TXNDC16: variants seen among roughly 807,000 people sequenced by gnomAD.
The protein encoded by TXNDC16 is thioredoxin domain containing 16.
A neutral mutation model predicts 85.6 loss-of-function variants in TXNDC16; 74 were observed. The ratio of observed to expected loss-of-function variants is 0.86; its 90% CI spans 0.72 to 1.05. The LOEUF is 1.05. Ranked by LOEUF, TXNDC16 falls within the 50% of genes least tolerant of loss-of-function variation. The probability of loss-of-function intolerance (pLI) is 0.00; values close to 1 mark genes in which losing one functional copy is unlikely to be tolerated. For missense variants in TXNDC16, 959 were observed against 947.0 expected, an observed-to-expected ratio of 1.01 and a Z score of -0.17; for synonymous variants, 335 against 326.5, an observed-to-expected ratio of 1.03 and a Z score of -0.28.
Position 52,536,796 on chromosome 14 carries a change from A to G in TXNDC16, c.318-3T>C. 3 of 1,602,350 alleles carry G rather than the reference A, an allele frequency of 1.9e-6. No homozygotes were observed. Among genetic ancestry groups the G allele is most frequent in the Non-Finnish European group, 2.6e-6 (3 of 1,174,336 alleles). ...ATTCTCTGAGCAATATGTTGCCCCT[A>G]TAAAAAGTTTAAAAACATATTAATA... On this transcript the variant is annotated splice_region_variant and splice_polypyrimidine_tract_variant and intron_variant, in intron 5 of 20. Coordinates refer to ENST00000281741, the MANE Select transcript of TXNDC16 (RefSeq NM_020784.3).
At chr14:52,434,168 G>A (rs768823612) in intron 20 of TXNDC16, among the ~76,000 whole-genome samples, 2 of 152,224 alleles carry the variant, frequency 1.3e-5, no homozygotes, top group Non-Finnish European at 2.9e-5. Flanking sequence ...AAACCTGGAT[G>A]AGAGAGTGTG....
At chr14:52,481,037 A>C (rs1181983826) in intron 14 of TXNDC16, among the ~76,000 whole-genome samples, 2 of 149,374 alleles carry the variant, frequency 1.3e-5, no homozygotes, top group Non-Finnish European at 3.0e-5. Flanking sequence ...GGAATGAATT[A>C]ATGGCATTTG....
chr14:52,518,096 A>G (rs1473474797), intron 7 of TXNDC16, among the ~76,000 whole-genome samples: 1 of 152,186 alleles, frequency 6.6e-6, no homozygotes. Flanking sequence ...TACCTTGCTT[A>G]CTGGGCACTT....
chr14:52,467,656 A>G (rs1188992790), intron 16 of TXNDC16, among the ~76,000 whole-genome samples: 3 of 152,218 alleles, frequency 2.0e-5, no homozygotes, highest in Admixed American at 6.5e-5. Context: ...GTAGGAATGT[A>G]AAATGATGCA....
chr14:52,453,700 T>C (rs1313741814), intron 18 of TXNDC16, among the ~76,000 whole-genome samples: 2 of 152,120 alleles, frequency 1.3e-5, no homozygotes, highest in Non-Finnish European at 2.9e-5. Context: ...AAGAGGACTA[T>C]TGAAAAAACT....
intron 16 of TXNDC16, among the ~76,000 whole-genome samples, chr14:52,464,611 A>G (rs1445429645): frequency 6.6e-6 from 1 of 151,836 alleles, no homozygotes. Context: ...ATTTTTCATA[A>G]AAATTTTTTT....
At chr14:52,500,734 T>A (rs1433962269) in intron 9 of TXNDC16, among the ~76,000 whole-genome samples, 3 of 152,156 alleles carry the variant, frequency 2.0e-5, no homozygotes, top group African/African-American at 7.2e-5. Flanking sequence ...AACAGCATCT[T>A]TCTAATTTCC....
intron 9 of TXNDC16, among the ~76,000 whole-genome samples, chr14:52,501,196 TC>T (rs2036650665): frequency 6.6e-6 from 1 of 152,040 alleles, no homozygotes; most frequent in Non-Finnish European, 1.5e-5. Flanking sequence ...ACACCTCCCA[TC>T]GTGAGTATAA....
In TXNDC16 at chr14:52,495,404, A is replaced by G. The variant is rs112937719; in HGVS notation, c.757-4399T>C. Among the ~76,000 whole-genome samples, 181 of 152,308 alleles carry G rather than the reference A, an allele frequency of 1.2e-3. 1 individual carries two copies. The highest frequency in any genetic ancestry group is 4.2e-3 in the African/African-American group (175 of 41,568). On this transcript the variant is annotated intron_variant, in intron 9 of 20. Transcript: ENST00000281741. ...AAAGAGAGCAAGGCAGAGGCACATG[A>G]CATTTTGTGAAACATAGCCATTAAT... is the stretch of plus-strand genomic sequence containing the variant.
At chr14:52,520,593 G>C (rs1396938859) in intron 6 of TXNDC16, among the ~76,000 whole-genome samples, 1 of 152,138 alleles carries the variant, frequency 6.6e-6, no homozygotes, top group African/African-American at 2.4e-5. Flanking sequence ...CTGGGCGACA[G>C]AGCGAGATTC....
At chr14:52,515,157 T>C (rs776005932) in intron 7 of TXNDC16, among the ~76,000 whole-genome samples, 187 bp from the exon 8 acceptor site, 3 of 152,182 alleles carry the variant, frequency 2.0e-5, no homozygotes, top group Non-Finnish European at 4.4e-5. Flanking sequence ...TCTATTCTAT[T>C]CAAGGTAAGA....
intron 6 of TXNDC16, among the ~76,000 whole-genome samples, chr14:52,531,835 A>T (rs373354953): frequency 1.3e-5 from 2 of 152,202 alleles, no homozygotes; most frequent in Non-Finnish European, 1.5e-5. Flanking sequence ...TGGTTCATCA[A>T]TTGTAACAAC....
intron 9 of TXNDC16, among the ~76,000 whole-genome samples, chr14:52,501,737 C>A (rs1341362569): frequency 6.6e-6 from 1 of 152,154 alleles, no homozygotes; most frequent in South Asian, 2.1e-4. Context: ...AAGGGTATAA[C>A]CCGTTAGAAC....
At chr14:52,461,447 G>C (rs936624450) in intron 16 of TXNDC16, among the ~76,000 whole-genome samples, 2 of 151,892 alleles carry the variant, frequency 1.3e-5, no homozygotes, top group African/African-American at 4.8e-5. Context: ...ACTTATTTAG[G>C]AATGACTCAG....
intron 9 of TXNDC16, among the ~76,000 whole-genome samples, chr14:52,504,390 G>T (rs969113571): frequency 1.3e-5 from 2 of 152,202 alleles, no homozygotes; most frequent in Non-Finnish European, 2.9e-5. Context: ...AACTCTACAA[G>T]CCAGAAGAGA....
chr14:52,494,894 A>G (rs1056708176), intron 9 of TXNDC16, among the ~76,000 whole-genome samples: 4 of 152,234 alleles, frequency 2.6e-5, no homozygotes, highest in Admixed American at 2.0e-4. Flanking sequence ...AAAAAGAACC[A>G]GTGGTGGTGA....
At chr14:52,477,816 G>A (rs796683173) in intron 14 of TXNDC16, among the ~76,000 whole-genome samples, 1 of 151,986 alleles carries the variant, frequency 6.6e-6, no homozygotes, top group Non-Finnish European at 1.5e-5. Flanking sequence ...CTATACCCTG[G>A]TACAAATGGA....
chr14:52,543,549 G>T lies in TXNDC16; in HGVS notation c.9C>A (p.Ser3=), dbSNP rs146639994. 2 of 1,612,728 alleles carry T rather than the reference G, an allele frequency of 1.2e-6. No homozygotes were observed. The highest frequency in any genetic ancestry group is 2.7e-5 in the African/African-American group (2 of 74,864). The change falls in exon 3 of 21, where the codon TCC becomes TCA. Residue 3 remains serine, a synonymous_variant. Transcript: ENST00000281741. ...TCCCAACTCTAAAGACATTGAAGCC[G>T]GAAAACATTATCAGCTGCAGTTGTA... MF[S]GFNVFRVGIS...
intron 4 of TXNDC16, among the ~76,000 whole-genome samples, chr14:52,538,521 T>C (rs751899424): frequency 2.0e-5 from 3 of 152,134 alleles, no homozygotes; most frequent in African/African-American, 4.8e-5. Context: ...CATGGATGAC[T>C]TGGATGAGAA....
Sources: allele counts gnomAD v4.1 joint callset (sites outside exome capture counted in the v4.1 genomes callset), GRCh38; gene constraint gnomAD v4.1.1; transcripts MANE v1.5; gene names NCBI Gene and HGNC (gene_info 2026-07-23, HGNC 2026-07-21).